ZFHX3: variants seen among roughly 807,000 people sequenced by gnomAD.
The protein encoded by ZFHX3 is zinc finger homeobox protein 3.
ZFHX3 carries 42 observed loss-of-function variants against 279.1 expected under a neutral mutation model. That is an observed-to-expected ratio of 0.15 (90% CI 0.12 to 0.19). The LOEUF (loss-of-function observed/expected upper bound fraction) is 0.19, where lower values mean the gene tolerates loss of function less well. Ranked by LOEUF, ZFHX3 falls within the 10% of genes least tolerant of loss-of-function variation. ZFHX3 has a pLI of 1.00. For synonymous variants in ZFHX3, 2,293 were observed against 1,957.8 expected, an observed-to-expected ratio of 1.17 and a Z score of -4.52; for missense variants, 4,981 against 4,754.0, an observed-to-expected ratio of 1.05 and a Z score of -1.40.
intron 1 of ZFHX3, among the ~76,000 whole-genome samples, chr16:73,725,415 C>T (rs2053509723): frequency 6.6e-6 from 1 of 152,088 alleles, no homozygotes; most frequent in Non-Finnish European, 1.5e-5. Context: ...AGCAGGAAGA[C>T]CCAGGAGATG....
chr16:72,868,595 C>A (rs911466904), intron 4 of ZFHX3, among the ~76,000 whole-genome samples: 1 of 152,228 alleles, frequency 6.6e-6, no homozygotes. Flanking sequence ...CCTTGCTTCT[C>A]CCCCTCCACC....
chr16:73,809,771 C>CA lies in ZFHX3; in HGVS notation c.-1608+81879dup, dbSNP rs1453317291. The CA allele has an allele frequency of 4.6e-5, 7 of 152,016 alleles. 1 individual carries two copies. The highest frequency in any genetic ancestry group is 7.3e-5 in the African/African-American group (3 of 41,366). 9.4% of individuals were successfully genotyped at this position (152,016 alleles called of 1,614,324 possible). A position where few individuals can be genotyped will look rare whatever the true frequency, so the allele number is the denominator to read the frequency against. The stretch of plus-strand genomic sequence containing the variant: ...TAGGCTCTACTCATTAAAAACAAAA[C>CA]AAAAAACAAAACAAAACAAAAAACT... On this transcript the variant is annotated intron_variant, in intron 1 of 17. Coordinates refer to the ZFHX3 transcript ENST00000641206.
intron 2 of ZFHX3, among the ~76,000 whole-genome samples, chr16:73,599,955 A>G (rs2052093820): frequency 6.6e-6 from 1 of 152,140 alleles, no homozygotes; most frequent in Admixed American, 6.5e-5. Flanking sequence ...AAAGCTATTG[A>G]TGATGGTGAT....
At chr16:73,684,602 G>A (rs1337435930) in intron 1 of ZFHX3, among the ~76,000 whole-genome samples, 1 of 151,994 alleles carries the variant, frequency 6.6e-6, no homozygotes, top group Non-Finnish European at 1.5e-5. Flanking sequence ...AGGATTTAAG[G>A]TTGCAGATGG....
Position 73,797,990 on chromosome 16 carries a change from G to C in ZFHX3, c.-1608+93661C>G, listed in dbSNP as rs139605914. Reference sequence around the variant, plus strand: ...TCCAGCCAATTTTTGTGTTTTTTTAGTAGACATGGGGTTTCACCATGTTGC... The same window carrying C: ...TCCAGCCAATTTTTGTGTTTTTTTACTAGACATGGGGTTTCACCATGTTGC... On this transcript the variant is annotated intron_variant, in intron 1 of 17. Transcript: ENST00000641206. Among the ~76,000 whole-genome samples, 632 of 151,770 alleles carry C rather than the reference G, an allele frequency of 4.2e-3. 4 individuals are homozygous for C. Among genetic ancestry groups the C allele is most frequent in the African/African-American group, 0.014 (599 of 41,372 alleles).
chr16:73,616,883 A>G (rs532023845), intron 2 of ZFHX3, among the ~76,000 whole-genome samples: 26 of 152,322 alleles, frequency 1.7e-4, no homozygotes, highest in African/African-American at 5.8e-4. Flanking sequence ...TTCAAGTGCT[A>G]TTGTAGCAAG....
intron 3 of ZFHX3, among the ~76,000 whole-genome samples, chr16:73,377,472 T>C (rs2016741793): frequency 6.6e-6 from 1 of 152,030 alleles, no homozygotes; most frequent in Non-Finnish European, 1.5e-5. Context: ...AAACAGACCC[T>C]TGCACATTTA....
At chr16:73,706,662 G>T (rs181566304) in intron 1 of ZFHX3, among the ~76,000 whole-genome samples, 1 of 152,110 alleles carries the variant, frequency 6.6e-6, no homozygotes, top group Admixed American at 6.5e-5. Context: ...AACTAAACTT[G>T]CTGGTCCCAT....
At chr16:73,526,465 A>G (rs1212269946) in intron 2 of ZFHX3, among the ~76,000 whole-genome samples, 1 of 152,200 alleles carries the variant, frequency 6.6e-6, no homozygotes, top group Admixed American at 6.5e-5. Flanking sequence ...TTGATCCTTA[A>G]TGTTATACTT....
At chr16:73,284,534 T>G (rs1379277964) in intron 4 of ZFHX3, among the ~76,000 whole-genome samples, 1 of 152,166 alleles carries the variant, frequency 6.6e-6, no homozygotes, top group Non-Finnish European at 1.5e-5. Context: ...AAGTAATAGA[T>G]GAGAGCAATA....
At chr16:73,265,001 A>T (rs2013929084) in intron 4 of ZFHX3, among the ~76,000 whole-genome samples, 1 of 140,448 alleles carries the variant, frequency 7.1e-6, no homozygotes, top group Non-Finnish European at 1.5e-5. Flanking sequence ...ATATATATAT[A>T]TAGCACCTCA....
intron 2 of ZFHX3, among the ~76,000 whole-genome samples, chr16:73,471,697 C>CA (rs1361499861): frequency 6.6e-6 from 1 of 152,180 alleles, no homozygotes; most frequent in Non-Finnish European, 1.5e-5. Flanking sequence ...AGGATACCCT[C>CA]AAGGACTAGG....
chr16:73,109,571 A>G (rs57413768), intron 7 of ZFHX3, among the ~76,000 whole-genome samples: 3,735 of 103,938 alleles, frequency 0.036, 166 homozygotes, highest in African/African-American at 0.097. Flanking sequence ...TTTTTGTTTA[A>G]AAATTTTCCG....
At chr16:72,972,866 A>G (rs1962167613) in intron 1 of ZFHX3, among the ~76,000 whole-genome samples, 1 of 151,898 alleles carries the variant, frequency 6.6e-6, no homozygotes, top group African/African-American at 2.4e-5. Context: ...ACAGCTCTCC[A>G]TGGGTACATT....
intron 2 of ZFHX3, among the ~76,000 whole-genome samples, chr16:73,656,740 T>C (rs1020032346): frequency 1.3e-5 from 2 of 152,226 alleles, no homozygotes; most frequent in African/African-American, 4.8e-5. Context: ...TTCAATTATA[T>C]TCAAATTTAA....
rs1440012724 is a variant in ZFHX3, at chr16:73,610,460, C to T, written c.-1547+69720G>A. On this transcript the variant is annotated intron_variant, in intron 2 of 17. Coordinates refer to the ZFHX3 transcript ENST00000641206. ...CACTGTGCATTTTCCCCCTCTGCTT[C>T]ATACATTTCTTGCTCTGAAAATGCT... Among the ~76,000 whole-genome samples, 5 of 152,198 alleles carry T rather than the reference C, an allele frequency of 3.3e-5. No individual in the cohort carries two copies. The East Asian group carries it at 9.6e-4, about 29-fold the overall frequency.
chr16:72,997,223 G>C (rs1963329081), intron 1 of ZFHX3, among the ~76,000 whole-genome samples: 1 of 152,154 alleles, frequency 6.6e-6, no homozygotes, highest in Admixed American at 6.5e-5. Context: ...GATCTGTCTT[G>C]CATATCATGG....
intron 1 of ZFHX3, among the ~76,000 whole-genome samples, chr16:72,987,425 C>G (rs1333894027): frequency 6.6e-6 from 1 of 152,180 alleles, no homozygotes; most frequent in Non-Finnish European, 1.5e-5. Context: ...AATCATTCAC[C>G]AGTGCTCCTG....
In ZFHX3 at chr16:72,797,142, T is replaced by C; in HGVS notation, c.5540A>G (p.Gln1847Arg). 6.2e-7 allele frequency: 1 copy of C among 1,613,938 alleles called. No individual in the cohort carries two copies. Among genetic ancestry groups the C allele is most frequent in the Non-Finnish European group, 8.5e-7 (1 of 1,180,010 alleles). ...AQVQVPQQSH[Q>R]QILPQQQQNQ... ...CTGCTGCTGCTGCGGCAAGATCTGC[T>C]GATGGCTCTGCTGTGGGACCTGAAC... The change falls in exon 9 of 10, where the codon CAG becomes CGG. Residue 1847 changes from glutamine (Q) to arginine (R), a missense_variant. Physicochemically the swap from Gln to Arg is conservative, Grantham distance 43 (BLOSUM62 1). Transcript: ENST00000268489.
Sources: allele counts gnomAD v4.1 joint callset (sites outside exome capture counted in the v4.1 genomes callset), GRCh38; gene constraint gnomAD v4.1.1; transcripts MANE v1.5; gene names NCBI Gene and HGNC (gene_info 2026-07-23, HGNC 2026-07-21).